Variants in SP140L observed in about 807,000 individuals in gnomAD.
The protein encoded by SP140L is nuclear body protein SP140-like protein.
In SP140L, 64 loss-of-function variants were observed where a neutral mutation model predicts 84.3. That is an observed-to-expected ratio of 0.76 (90% CI 0.62 to 0.94). SP140L has a LOEUF of 0.94. Ranked by LOEUF, SP140L falls within the 40% of genes least tolerant of loss-of-function variation. The pLI, the probability that SP140L is intolerant of heterozygous loss-of-function variation, is 0.00. For synonymous variants in SP140L, 242 were observed against 236.9 expected, an observed-to-expected ratio of 1.02 and a Z score of -0.20; for missense variants, 628 against 692.5, an observed-to-expected ratio of 0.91 and a Z score of 1.05.
chr2:230,385,303 G>A lies in SP140L; in HGVS notation c.783G>A (p.Arg261=). 6.2e-7 allele frequency: 1 copy of A among 1,613,364 alleles called. No homozygotes were observed. The highest frequency in any genetic ancestry group is 2.2e-5 in the East Asian group (1 of 44,876). The change falls in exon 9 of 19, where the codon AGG becomes AGA. Residue 261 remains arginine, a splice_region_variant and synonymous_variant. Transcript: ENST00000415673. ...ATCTGAAAGACCTTTCCAAGATTAG[G>A]GGTAAGATAAAGTTGGTACCACTTT... ...NMNLKDLSKI[R]GRKRGKPGTH...
chr2:230,328,668 C>T, intron 1 of SP140L, 89 bp from the exon 2 acceptor site: 2 of 1,491,170 alleles, frequency 1.3e-6, no homozygotes, highest in South Asian at 2.7e-5. Context: ...AAGTATTTCT[C>T]TTGTGCCTAA....
intron 4 of SP140L, among the ~76,000 whole-genome samples, chr2:230,360,537 G>C (rs751209825): frequency 6.6e-6 from 1 of 152,156 alleles, no homozygotes; most frequent in Non-Finnish European, 1.5e-5. Context: ...CACAAATTTC[G>C]AGTCAATGTT....
At chr2:230,361,962 A>G (rs2060732502) in intron 5 of SP140L, among the ~76,000 whole-genome samples, 1 of 152,164 alleles carries the variant, frequency 6.6e-6, no homozygotes, top group Admixed American at 6.5e-5. Context: ...GATGCTAACT[A>G]CCTAGATGTA....
intron 2 of SP140L, among the ~76,000 whole-genome samples, chr2:230,337,953 G>A (rs946360833): frequency 1.6e-4 from 24 of 151,088 alleles, no homozygotes; most frequent in Non-Finnish European, 2.9e-4. Context: ...TGTTCTTTTG[G>A]CTTAGGATTG....
rs56972987 is a variant in SP140L, at chr2:230,347,652, A to G, written c.108-10153A>G. Among the ~76,000 whole-genome samples, 706 of 152,312 alleles carry G rather than the reference A, an allele frequency of 4.6e-3. 7 individuals carry two copies. The highest frequency in any genetic ancestry group is 0.016 in the African/African-American group (678 of 41,572). On this transcript the variant is annotated intron_variant, in intron 2 of 18. Coordinates refer to ENST00000415673, the MANE Select transcript of SP140L (RefSeq NM_138402.6). ...TAGAGGCCATACTCTGTAGTTAGGC[A>G]GAGTGGCTGGCTCGATTACCTGCGT...
intron 2 of SP140L, among the ~76,000 whole-genome samples, chr2:230,336,732 G>GT (rs1342221284): frequency 6.6e-6 from 1 of 152,122 alleles, no homozygotes; most frequent in Non-Finnish European, 1.5e-5. Context: ...TACTACAATT[G>GT]TGAGTTTTTC....
chr2:230,341,695 A>G (rs2149694173), intron 2 of SP140L, among the ~76,000 whole-genome samples: 1 of 151,412 alleles, frequency 6.6e-6, no homozygotes, highest in Non-Finnish European at 1.5e-5. Context: ...TCTGTTTGTT[A>G]GTTTTCCTTC....
intron 2 of SP140L, among the ~76,000 whole-genome samples, chr2:230,345,043 C>A (rs1056009691): frequency 4.6e-5 from 7 of 152,174 alleles, no homozygotes. Flanking sequence ...GGTTCAAGAT[C>A]AAAATCCTTA....
intron 2 of SP140L, chr2:230,341,941 TTTTG>T (rs1559408606): frequency 3.3e-5 from 5 of 152,382 alleles, no homozygotes; most frequent in Admixed American, 3.3e-4. Context: ...ACTGCTGTCT[TTTTG>T]TTTGTCTGTG....
At chr2:230,385,338 C>T (rs1253671164) in intron 9 of SP140L, 34 bp downstream of exon 9, 2 of 1,598,482 alleles carry the variant, frequency 1.3e-6, no homozygotes, top group Admixed American at 1.7e-5. Context: ...TTCATTTGCC[C>T]TGCAGGTCAA....
chr2:230,359,099 G>T lies in SP140L; in HGVS notation c.406G>T (p.Asp136Tyr). Reference protein sequence around the residue: ...FSEVNMQEYPDLIHIYKSFKN... With the variant: ...FSEVNMQEYPYLIHIYKSFKN... ...CGAGGTCAACATGCAGGAATACCCC[G>T]ATTTAATTCACATTTATAAAAGCTT... The change falls in exon 4 of 19, where the codon GAT becomes TAT. Residue 136 changes from aspartate to tyrosine, a missense_variant. Around this residue, in one of 4 missense-constraint regions of SP140L, gnomAD observed 525 missense variants for 518.4 expected, o/e 1.01. Transcript: ENST00000415673. 1 of 1,606,222 alleles carries T rather than the reference G, an allele frequency of 6.2e-7. No homozygotes were observed. The highest frequency in any genetic ancestry group is 1.7e-4 in the Middle Eastern group (1 of 6,044).
At chr2:230,354,873 G>GA (rs1397868532) in intron 2 of SP140L, among the ~76,000 whole-genome samples, 22 of 116,312 alleles carry the variant, frequency 1.9e-4, no homozygotes, top group African/African-American at 6.5e-5. Context: ...AAGAAAGAAA[G>GA]AAAGAAAGAA....
intron 5 of SP140L, among the ~76,000 whole-genome samples, chr2:230,369,876 T>C (rs2060998947): frequency 6.6e-6 from 1 of 152,286 alleles, no homozygotes; most frequent in Non-Finnish European, 1.5e-5. Flanking sequence ...TGGGTTCAAG[T>C]GATTCTCCTG....
chr2:230,361,629 T>G lies in SP140L; in HGVS notation c.455T>G (p.Leu152Trp). 1 of 1,560,072 alleles carries G rather than the reference T, an allele frequency of 6.4e-7. No homozygotes were observed. Among genetic ancestry groups the G allele is most frequent in the Non-Finnish European group, 8.7e-7 (1 of 1,150,908 alleles). The stretch of plus-strand genomic sequence containing the variant: ...CACTCTTCAGCAATCCAAGACAAAT[T>G]GTCTTTCCAAGAAAGTGATCGAAAA... ...KSFKNAIQDK[L>W]SFQESDRKER... is the part of the protein sequence containing the mutation. Residue 152 changes from leucine (L) to tryptophan (W), a missense_variant, in exon 5 of 19, where the codon TTG becomes TGG. Physicochemically the swap from Leu to Trp is moderately conservative, Grantham distance 61 (BLOSUM62 -2). This residue lies in a region of SP140L where 525 missense variants were observed against 518.4 expected (regional missense o/e 1.01). Coordinates refer to ENST00000415673, the MANE Select transcript of SP140L (RefSeq NM_138402.6).
chr2:230,378,491 T>C (rs1164595979), intron 7 of SP140L, among the ~76,000 whole-genome samples: 1 of 152,156 alleles, frequency 6.6e-6, no homozygotes, highest in Non-Finnish European at 1.5e-5. Context: ...CCTCCCACAA[T>C]ATTCTGCTCT....
chr2:230,375,729 A>G (rs1307854487), intron 7 of SP140L, among the ~76,000 whole-genome samples: 1 of 152,136 alleles, frequency 6.6e-6, no homozygotes, highest in African/African-American at 2.4e-5. Context: ...TCCTTTGCCC[A>G]TTTTTAAATT....
chr2:230,334,514 G>T (rs1207429723), intron 2 of SP140L, among the ~76,000 whole-genome samples: 1 of 152,156 alleles, frequency 6.6e-6, no homozygotes, highest in African/African-American at 2.4e-5. Flanking sequence ...AATGTGATTT[G>T]TCCTGGAATT....
At chr2:230,332,611 A>G (rs1200704471) in intron 2 of SP140L, among the ~76,000 whole-genome samples, 1 of 152,230 alleles carries the variant, frequency 6.6e-6, no homozygotes, top group Non-Finnish European at 1.5e-5. Flanking sequence ...CAAGTCATAT[A>G]CTATGTGATG....
intron 7 of SP140L, among the ~76,000 whole-genome samples, chr2:230,381,878 G>A (rs1445549643): frequency 6.6e-6 from 1 of 152,166 alleles, no homozygotes; most frequent in Non-Finnish European, 1.5e-5. Context: ...CATACAATAA[G>A]CACAATCCCC....
Sources: allele counts gnomAD v4.1 joint callset (sites outside exome capture counted in the v4.1 genomes callset), GRCh38; gene constraint gnomAD v4.1.1; regional missense constraint gnomAD v4.1.1; transcripts MANE v1.5; gene names NCBI Gene and HGNC (gene_info 2026-07-23, HGNC 2026-07-21).